The following PCDHA10 variants were observed in gnomAD, a reference collection of about 807,000 sequenced individuals.
PCDHA10 encodes protocadherin alpha-10.
Under a neutral mutation model 61.2 loss-of-function variants are expected in PCDHA10, and 45 were observed. The ratio of observed to expected loss-of-function variants is 0.74; its 90% CI spans 0.58 to 0.94. The LOEUF is 0.94. Ranked by LOEUF, PCDHA10 falls within the 40% of genes least tolerant of loss-of-function variation. The pLI is 0.00. For missense variants in PCDHA10, 1,278 were observed against 1,236.2 expected (o/e 1.03, Z -0.51); for synonymous variants, 602 against 548.8 (o/e 1.10, Z -1.35).
Position 140,986,801 on chromosome 5 carries a change from T to C in PCDHA10, c.2536+4238T>C, listed in dbSNP as rs1381514203. ...CGGAAGCCACTAAGGCAGTGAGTCT[T>C]AGTTAGAGAACTTTGGTTTAGACAA... On this transcript the variant is annotated intron_variant, in intron 3 of 3. Coordinates refer to ENST00000307360, the MANE Select transcript of PCDHA10 (RefSeq NM_018901.4). 2.0e-5 allele frequency among the ~76,000 whole-genome samples: 3 copies of C among 152,144 alleles called. No homozygotes were observed. The East Asian group carries it at 5.8e-4, about 29-fold the overall frequency.
intron 3 of PCDHA10, among the ~76,000 whole-genome samples, chr5:140,999,748 G>A (rs1563643254): frequency 1.3e-5 from 2 of 152,188 alleles, no homozygotes; most frequent in South Asian, 2.1e-4. Flanking sequence ...ATCTGGGTTC[G>A]CAGCACATGA....
rs952231570 is a variant in PCDHA10 at position 140,897,305 on chromosome 5, G to C, written c.2388+38869G>C. Among the ~76,000 whole-genome samples the C allele has an allele frequency of 1.9e-3, 284 of 150,706 alleles. 1 individual carries two copies. Among genetic ancestry groups the C allele is most frequent in the African/African-American group, 6.8e-3 (278 of 41,056 alleles). On this transcript the variant is annotated intron_variant, in intron 1 of 3. Coordinates refer to ENST00000307360, the MANE Select transcript of PCDHA10 (RefSeq NM_018901.4). ...CCATTAACTCGTCATTTAGCATTAG[G>C]TATATCTCCTAAAGCTATCCCTCCC...
chr5:140,885,051 A>G (rs2060446316), intron 1 of PCDHA10, among the ~76,000 whole-genome samples: 1 of 152,230 alleles, frequency 6.6e-6, no homozygotes, highest in Non-Finnish European at 1.5e-5. Context: ...TAATGTATAC[A>G]TATACCCACA....
intron 1 of PCDHA10, among the ~76,000 whole-genome samples, chr5:140,941,877 A>T (rs1554214743): frequency 1.3e-5 from 2 of 152,224 alleles, no homozygotes; most frequent in Non-Finnish European, 2.9e-5. Flanking sequence ...TTCTATCACC[A>T]GTGACTAGCA....
Position 140,856,867 on chromosome 5 carries a change from C to A in PCDHA10, c.819C>A (p.Asn273Lys), listed in dbSNP as rs1554149232. The change falls in exon 1 of 4, where the codon AAC (asparagine) becomes AAA (lysine). Residue 273 changes from asparagine (N) to lysine (K), a missense_variant. Coordinates refer to ENST00000307360, the MANE Select transcript of PCDHA10 (RefSeq NM_018901.4). ...CTTCTGATTCGGATGAAGGAATAAACAAGGAAATGATGTATTCATTTAGCT... is the reference window on the plus strand; with the variant it reads ...CTTCTGATTCGGATGAAGGAATAAAAAAGGAAATGATGTATTCATTTAGCT... ...LNASDSDEGI[N>K]KEMMYSFSSL... The A allele has an allele frequency of 6.3e-7, 1 of 1,595,186 alleles. No homozygotes were observed.
chr5:140,869,481 TAACG>T (rs1306564737), intron 1 of PCDHA10: 1 of 1,613,970 alleles, frequency 6.2e-7, no homozygotes, highest in African/African-American at 1.3e-5. Flanking sequence ...TGAAGGACAT[TAACG>T]ACAACCCGCC....
chr5:140,980,441 A>G (rs1454168972), intron 2 of PCDHA10, among the ~76,000 whole-genome samples: 7 of 152,124 alleles, frequency 4.6e-5, no homozygotes, highest in African/African-American at 1.7e-4. Context: ...ACCATCCTGG[A>G]CAACACGGTG....
chr5:140,917,329 G>T lies in PCDHA10; in HGVS notation c.2388+58893G>T, dbSNP rs543216216. Among the ~76,000 whole-genome samples the T allele has an allele frequency of 4.9e-5, 7 of 143,930 alleles. 1 individual carries two copies. The highest frequency in any genetic ancestry group is 1.6e-4 in the African/African-American group (6 of 37,952). The allele number at this position is 143,930 out of a possible 152,430, so 94.4% of individuals were successfully genotyped here. A position where few individuals can be genotyped will look rare whatever the true frequency, so the allele number is the denominator to read the frequency against. ...ACAATTTGGTGTTCATGTGGCGGGG[G>T]AGGGGGGGGATGGTGTAGGCTTCTG... On this transcript the variant is annotated intron_variant, in intron 1 of 3. Coordinates refer to ENST00000307360, the MANE Select transcript of PCDHA10 (RefSeq NM_018901.4).
chr5:140,927,349 G>A (rs782650880), intron 1 of PCDHA10: 3 of 1,614,016 alleles, frequency 1.9e-6, no homozygotes, highest in Admixed American at 1.7e-5. Context: ...AGATGACGAC[G>A]AGGGAAGCAA....
At chr5:140,858,790 AT>A in intron 1 of PCDHA10, 1 of 388,116 alleles carries the variant, frequency 2.6e-6, no homozygotes. Context: ...ATGTTATTTC[AT>A]TTCCAATCTA....
chr5:140,895,021 G>T (rs956122734), intron 1 of PCDHA10, among the ~76,000 whole-genome samples: 3 of 151,838 alleles, frequency 2.0e-5, no homozygotes, highest in Non-Finnish European at 4.4e-5. Context: ...TTTTTCCTTT[G>T]TTTAATTGTC....
intron 1 of PCDHA10, among the ~76,000 whole-genome samples, chr5:140,900,355 G>A (rs555553636): frequency 1.4e-4 from 21 of 152,070 alleles, no homozygotes; most frequent in East Asian, 3.9e-4. Flanking sequence ...TTGGCTCACC[G>A]CAACCTCTGC....
At chr5:140,969,933 C>T (rs2096370749) in intron 1 of PCDHA10, among the ~76,000 whole-genome samples, 1 of 152,192 alleles carries the variant, frequency 6.6e-6, no homozygotes, top group South Asian at 2.1e-4. Context: ...ATTTAGACAT[C>T]ATACTGAAGC....
chr5:140,871,106 T>C (rs1554165125), intron 1 of PCDHA10: 1 of 1,613,128 alleles, frequency 6.2e-7, no homozygotes, highest in African/African-American at 1.3e-5. Context: ...CTGGTGTCGT[T>C]GGTGGAGAGC....
intron 1 of PCDHA10, chr5:140,877,311 G>T: frequency 6.2e-7 from 1 of 1,613,970 alleles, no homozygotes. Flanking sequence ...AGTTGCAACC[G>T]GCGGCGGTCG....
At chr5:140,884,907 C>T (rs1263861482) in intron 1 of PCDHA10, among the ~76,000 whole-genome samples, 2 of 152,148 alleles carry the variant, frequency 1.3e-5, no homozygotes, top group Non-Finnish European at 2.9e-5. Flanking sequence ...CTGTTGTATT[C>T]TTAATAGTTC....
intron 1 of PCDHA10, chr5:140,969,073 G>A (rs781937942): frequency 1.4e-5 from 23 of 1,613,974 alleles, no homozygotes; most frequent in South Asian, 5.5e-5. Context: ...CCAGGATACC[G>A]CATGGCCTCA....
chr5:140,942,769 T>A (rs1554215212), intron 1 of PCDHA10, among the ~76,000 whole-genome samples: 1 of 152,202 alleles, frequency 6.6e-6, no homozygotes, highest in Non-Finnish European at 1.5e-5. Flanking sequence ...GCATAATGTA[T>A]TTTTAGGCAG....
chr5:140,955,030 A>T (rs1453200706), intron 1 of PCDHA10, among the ~76,000 whole-genome samples: 2 of 152,312 alleles, frequency 1.3e-5, no homozygotes, highest in African/African-American at 4.8e-5. Context: ...TTAAATAGGG[A>T]ATCTTTTCCT....
Sources: allele counts gnomAD v4.1 joint callset (sites outside exome capture counted in the v4.1 genomes callset), GRCh38; gene constraint gnomAD v4.1.1; transcripts MANE v1.5; gene names NCBI Gene and HGNC (gene_info 2026-07-23, HGNC 2026-07-21).